The following TLK1 variants were observed in gnomAD, a reference collection of about 807,000 sequenced individuals.
TLK1 encodes tousled like kinase 1.
In TLK1, 24 loss-of-function variants were observed where a neutral mutation model predicts 105.3. That is an observed-to-expected ratio of 0.23 (90% CI 0.17 to 0.32). TLK1 has a LOEUF of 0.32. TLK1 is among the 10% of genes least tolerant of loss of function. The pLI is 1.00. For missense variants in TLK1, 558 were observed against 910.5 expected (o/e 0.61, Z 4.98); for synonymous variants, 321 against 310.4 (o/e 1.03, Z -0.36).
At chr2:171,219,957 C>T (rs986228518) in intron 1 of TLK1, among the ~76,000 whole-genome samples, 2 of 152,038 alleles carry the variant, frequency 1.3e-5, no homozygotes, top group African/African-American at 2.4e-5. Context: ...AACCTCATGA[C>T]CTAATTACTT....
chr2:171,066,667 T>A (rs1575568663), intron 3 of TLK1, among the ~76,000 whole-genome samples: 1 of 152,190 alleles, frequency 6.6e-6, no homozygotes, highest in East Asian at 1.9e-4. Flanking sequence ...TTTAAAGGAG[T>A]ATACTAAGTT....
In TLK1 at chr2:171,058,103, C is replaced by G; in HGVS notation, c.453+48G>C. Reference sequence around the variant, plus strand: ...CTAAGAAATTATTTCTAGCTCACAGCAGAATAGTACTGAATTAGGAAATGG... The same window carrying G: ...CTAAGAAATTATTTCTAGCTCACAGGAGAATAGTACTGAATTAGGAAATGG... On this transcript the variant is annotated intron_variant, in intron 5 of 20. Coordinates refer to ENST00000431350, the MANE Select transcript of TLK1 (RefSeq NM_012290.5). 6.3e-6 allele frequency: 10 copies of G among 1,588,086 alleles called. 1 individual carries two copies. The highest frequency in any genetic ancestry group is 8.6e-6 in the Non-Finnish European group (10 of 1,157,318).
intron 1 of TLK1, among the ~76,000 whole-genome samples, chr2:171,178,005 G>C (rs1359994150): frequency 6.6e-6 from 1 of 151,878 alleles, no homozygotes; most frequent in Non-Finnish European, 1.5e-5. Context: ...TGTTGGCCAG[G>C]CTGGTCCCCT....
chr2:171,161,243 C>A (rs991647985), upstream of TLK1, among the ~76,000 whole-genome samples: 16 of 151,506 alleles, frequency 1.1e-4, no homozygotes, highest in African/African-American at 3.9e-4. Flanking sequence ...CCACCTGACT[C>A]CCCCTGTCTC....
chr2:171,109,290 T>G (rs1183305119), intron 2 of TLK1, among the ~76,000 whole-genome samples: 1 of 152,162 alleles, frequency 6.6e-6, no homozygotes, highest in East Asian at 1.9e-4. Flanking sequence ...TGCAACAGAT[T>G]GAAAATCCAC....
At chr2:171,194,763 G>C (rs1237240726) in intron 1 of TLK1, among the ~76,000 whole-genome samples, 2 of 146,510 alleles carry the variant, frequency 1.4e-5, no homozygotes, top group Non-Finnish European at 1.5e-5. Context: ...CTTGCAGTGA[G>C]CCCAGATCGC....
chr2:171,079,950 A>ATAC lies in TLK1; in HGVS notation c.330+2830_330+2831insGTA, dbSNP rs1270674704. On this transcript the variant is annotated intron_variant, in intron 3 of 20. Coordinates refer to ENST00000431350, the MANE Select transcript of TLK1 (RefSeq NM_012290.5). Reference sequence around the variant, plus strand: ...ACTGGTGAACTACAATAGGGTATGCATATTAATTATATTAAAATATGGATA... The same window carrying ATAC: ...ACTGGTGAACTACAATAGGGTATGCATACTATTAATTATATTAAAATATGGATA... Among the ~76,000 whole-genome samples, 13 of 152,244 alleles carry ATAC rather than the reference A, an allele frequency of 8.5e-5. 1 individual carries two copies. Among genetic ancestry groups the ATAC allele is most frequent in the African/African-American group, 3.1e-4 (13 of 41,460 alleles).
chr2:171,196,780 T>C (rs551805209), intron 1 of TLK1, among the ~76,000 whole-genome samples: 1 of 152,350 alleles, frequency 6.6e-6, no homozygotes, highest in Admixed American at 6.5e-5. Context: ...GACTTCACAG[T>C]GAGTTTGCAA....
At chr2:171,090,695 A>G (rs1365033339) in intron 2 of TLK1, among the ~76,000 whole-genome samples, 2 of 152,218 alleles carry the variant, frequency 1.3e-5, no homozygotes, top group African/African-American at 4.8e-5. Context: ...TTCCCCATAG[A>G]TAAGCACTCA....
intron 1 of TLK1, among the ~76,000 whole-genome samples, chr2:171,131,851 A>G (rs185877133): frequency 2.6e-5 from 4 of 151,980 alleles, no homozygotes; most frequent in African/African-American, 9.6e-5. Context: ...TTTTCCAACA[A>G]TTGAGATTAC....
At chr2:171,095,140 A>G (rs13432277) in intron 2 of TLK1, among the ~76,000 whole-genome samples, 2 of 152,214 alleles carry the variant, frequency 1.3e-5, no homozygotes, top group Admixed American at 1.3e-4. Context: ...CAGTGCTTAC[A>G]GGGAAAACTG....
At chr2:171,068,862 T>C (rs1454717676) in intron 3 of TLK1, among the ~76,000 whole-genome samples, 1 of 152,230 alleles carries the variant, frequency 6.6e-6, no homozygotes, top group Non-Finnish European at 1.5e-5. Flanking sequence ...GTTGTCATGG[T>C]TACTCAGTTA....
At chr2:171,062,287 A>T (rs1575564321) in intron 3 of TLK1, among the ~76,000 whole-genome samples, 1 of 152,240 alleles carries the variant, frequency 6.6e-6, no homozygotes, top group East Asian at 1.9e-4. Context: ...AATGAATCTT[A>T]CTAAACAACT....
intron 1 of TLK1, among the ~76,000 whole-genome samples, chr2:171,221,132 G>A (rs1250832957): frequency 2.6e-5 from 4 of 152,122 alleles, no homozygotes; most frequent in Admixed American, 6.5e-5. Context: ...ACATTTCTGG[G>A]AGCAGAGAGC....
At chr2:171,132,424 C>A (rs780430632) in intron 1 of TLK1, among the ~76,000 whole-genome samples, 3 of 152,034 alleles carry the variant, frequency 2.0e-5, no homozygotes, top group Admixed American at 2.0e-4. Context: ...AGTCATATAT[C>A]CAGAAACTCA....
At chr2:171,063,116 C>T (rs999566590) in intron 3 of TLK1, among the ~76,000 whole-genome samples, 6 of 152,176 alleles carry the variant, frequency 3.9e-5, no homozygotes, top group African/African-American at 9.6e-5. Context: ...GAGGCCGAGG[C>T]GGGCAGATCA....
At chr2:171,213,953 C>T (rs1340770657) in intron 1 of TLK1, among the ~76,000 whole-genome samples, 1 of 151,228 alleles carries the variant, frequency 6.6e-6, no homozygotes, top group African/African-American at 2.4e-5. Context: ...TCTCAAACTC[C>T]AGCCATATCT....
intron 1 of TLK1, among the ~76,000 whole-genome samples, chr2:171,152,283 T>C (rs535444445): frequency 6.6e-6 from 1 of 152,238 alleles, no homozygotes; most frequent in African/African-American, 2.4e-5. Flanking sequence ...CTATGTAGAA[T>C]ATAATCACTT....
rs186607140 is a variant in TLK1, at chr2:171,138,514, G to A, written c.140-20657C>T. 4.3e-3 allele frequency among the ~76,000 whole-genome samples: 659 copies of A among 152,204 alleles called. 4 individuals carry two copies. The highest frequency in any genetic ancestry group is 7.4e-3 in the Non-Finnish European group (502 of 67,988). ...TCCCAATCATTTTTTTCTCAAGCTA[G>A]AGAAGAAAATTAGTCCAAAGAAATT... On this transcript the variant is annotated intron_variant, in intron 1 of 20. Transcript: ENST00000431350.
Sources: allele counts gnomAD v4.1 joint callset (sites outside exome capture counted in the v4.1 genomes callset), GRCh38; gene constraint gnomAD v4.1.1; transcripts MANE v1.5; gene names NCBI Gene and HGNC (gene_info 2026-07-23, HGNC 2026-07-21).